Variants in POLGARF observed in about 807,000 individuals in gnomAD.
POLGARF encodes POLG alternative reading frame.
the POLGARF span, chr15:89,332,993 T>C: frequency 2.1e-6 from 3 of 1,436,246 alleles, no homozygotes; most frequent in African/African-American, 1.4e-5. Context: ...GCTCCCTACG[T>C]GAGCACCCAG....
chr15:89,333,424 C>G, the POLGARF span: 12 of 1,607,716 alleles, frequency 7.5e-6, no homozygotes, highest in African/African-American at 9.3e-5. Context: ...CCCCAGAGCC[C>G]GTGCTTCTGC....
the POLGARF span, chr15:89,333,376 G>T: frequency 1.3e-6 from 2 of 1,580,598 alleles, no homozygotes; most frequent in Non-Finnish European, 1.7e-6. Flanking sequence ...AGGGGCGGCA[G>T]GCGCAGCTCC....
chr15:89,333,667 C>A, the POLGARF span: 1 of 1,560,674 alleles, frequency 6.4e-7, no homozygotes, highest in Non-Finnish European at 8.6e-7. Flanking sequence ...GACGCGGGGA[C>A]GGAGCTGGAG....
chr15:89,333,617 C>A, the POLGARF span: 1 of 1,601,388 alleles, frequency 6.2e-7, no homozygotes, highest in Admixed American at 1.7e-5. Flanking sequence ...GCTGCTGCTG[C>A]TGCTGCTGCT....
At chr15:89,331,627 G>A in the POLGARF span, among the ~76,000 whole-genome samples, 1 of 152,234 alleles carries the variant, frequency 6.6e-6, no homozygotes, top group Non-Finnish European at 1.5e-5. Context: ...TTGGGAAGAA[G>A]CTGCCCTGTG....
chr15:89,331,690 T>C, the POLGARF span, among the ~76,000 whole-genome samples: 1 of 152,170 alleles, frequency 6.6e-6, no homozygotes, highest in African/African-American at 2.4e-5. Context: ...TGTGGGCTGG[T>C]CAGGTACCTA....
the POLGARF span, among the ~76,000 whole-genome samples, chr15:89,330,948 C>T: frequency 1.3e-5 from 2 of 152,156 alleles, no homozygotes; most frequent in African/African-American, 2.4e-5. Context: ...GTTGGGGGCC[C>T]GACACTGATT....
chr15:89,330,897 G>A, the POLGARF span, among the ~76,000 whole-genome samples: 4 of 145,152 alleles, frequency 2.8e-5, no homozygotes, highest in African/African-American at 9.9e-5. Flanking sequence ...ATGTGTATGT[G>A]ACAGGGTTGG....
the POLGARF span, chr15:89,333,178 G>A: frequency 1.3e-5 from 20 of 1,565,146 alleles, no homozygotes; most frequent in South Asian, 1.2e-5. Context: ...ACCAGGGCCC[G>A]CTCCTCGGGG....
At chr15:89,331,548 C>T in the POLGARF span, among the ~76,000 whole-genome samples, 3 of 152,220 alleles carry the variant, frequency 2.0e-5, no homozygotes, top group Admixed American at 6.5e-5. Flanking sequence ...TACTGTGAAT[C>T]TTAGAAAAAT....
the POLGARF span, chr15:89,330,267 C>T: frequency 1.2e-6 from 2 of 1,610,786 alleles, no homozygotes; most frequent in Non-Finnish European, 1.7e-6. Flanking sequence ...GCTGGCTGCA[C>T]CAGGAATACC....
the POLGARF span, chr15:89,332,992 G>T: frequency 2.1e-6 from 3 of 1,445,516 alleles, no homozygotes; most frequent in African/African-American, 2.9e-5. Context: ...CGCTCCCTAC[G>T]TGAGCACCCA....
the POLGARF span, chr15:89,333,606 T>C: frequency 6.3e-7 from 1 of 1,591,894 alleles, no homozygotes; most frequent in East Asian, 2.3e-5. Flanking sequence ...TTGCTGCTGC[T>C]GCTGCTGCTG....
chr15:89,331,870 C>T, the POLGARF span, among the ~76,000 whole-genome samples: 1 of 151,532 alleles, frequency 6.6e-6, no homozygotes, highest in East Asian at 1.9e-4. Context: ...AGCAATGCCC[C>T]GAGTACCACT....
the POLGARF span, chr15:89,333,151 A>T: frequency 6.5e-7 from 1 of 1,539,478 alleles, no homozygotes; most frequent in Non-Finnish European, 8.8e-7. Flanking sequence ...TCTGCCAAGC[A>T]GACCTCCACG....
the POLGARF span, chr15:89,333,501 T>C: frequency 6.2e-7 from 1 of 1,612,798 alleles, no homozygotes; most frequent in Non-Finnish European, 8.5e-7. Context: ...GAAGATTTGC[T>C]CGTGCAGCCC....
chr15:89,330,469 A>G, the POLGARF span, among the ~76,000 whole-genome samples: 1 of 152,198 alleles, frequency 6.6e-6, no homozygotes, highest in Non-Finnish European at 1.5e-5. Flanking sequence ...GCTGGCGGGC[A>G]AGAGCTACAA....
chr15:89,333,220 C>T, the POLGARF span: 2 of 1,578,780 alleles, frequency 1.3e-6, no homozygotes, highest in Non-Finnish European at 1.7e-6. Context: ...CCCTCGGGGC[C>T]GTACCGGGTC....
At chr15:89,332,790 G>C in the POLGARF span, among the ~76,000 whole-genome samples, 1 of 152,110 alleles carries the variant, frequency 6.6e-6, no homozygotes, top group South Asian at 2.1e-4. Context: ...TATTAGGAGA[G>C]GGGGTAAAGG....
Sources: allele counts gnomAD v4.1 joint callset (sites outside exome capture counted in the v4.1 genomes callset), GRCh38; gene constraint gnomAD v4.1.1; transcripts MANE v1.5; gene names NCBI Gene and HGNC (gene_info 2026-07-23, HGNC 2026-07-21).